Variants in DYNC2I1 observed in about 807,000 individuals in gnomAD.
DYNC2I1 encodes the protein dynein 2 intermediate chain 1, also known as cytoplasmic dynein 2 intermediate chain 1.
A neutral mutation model predicts 133.4 loss-of-function variants in DYNC2I1; 89 were observed. The observed-to-expected ratio is 0.67, with a 90% CI of 0.56 to 0.80. The LOEUF is 0.80. Among genes scored for constraint, DYNC2I1 ranks in the 30% least tolerant of loss-of-function variants. The pLI is 0.00. For synonymous variants in DYNC2I1, 504 were observed against 484.3 expected (o/e 1.04, Z -0.54); for missense variants, 1,291 against 1,314.5 (o/e 0.98, Z 0.28).
intron 21 of DYNC2I1, among the ~76,000 whole-genome samples, chr7:158,932,677 G>A (rs139974348): frequency 3.3e-5 from 5 of 152,262 alleles, no homozygotes; most frequent in East Asian, 1.9e-4. Flanking sequence ...TGGCAGTGGC[G>A]TAAGTTGGGA....
Position 158,920,297 on chromosome 7 carries a change from C to T in DYNC2I1, c.1921+1428C>T, listed in dbSNP as rs555028187. ...AGCGTGTGGCCTCCATCGGGGAACA[C>T]GTGAAGTGTGTGTGCATACTGCAGC... On this transcript the variant is annotated intron_variant, in intron 15 of 24. Coordinates refer to ENST00000407559, the MANE Select transcript of DYNC2I1 (RefSeq NM_018051.5). 2.7e-5 allele frequency among the ~76,000 whole-genome samples: 4 copies of T among 149,616 alleles called. No homozygotes were observed. The East Asian group carries it at 6.0e-4, about 23-fold the overall frequency.
chr7:158,936,250 G>A (rs1354122826), intron 23 of DYNC2I1, among the ~76,000 whole-genome samples: 1 of 151,760 alleles, frequency 6.6e-6, no homozygotes, highest in African/African-American at 2.4e-5. Flanking sequence ...CCAGTGTGGA[G>A]CTCTTGAGCT....
At position 158,945,961 on chromosome 7, in the gene DYNC2I1, G is replaced by A; in HGVS notation, c.*182G>A. 2 of 587,056 alleles carry A rather than the reference G, an allele frequency of 3.4e-6. No individual in the cohort carries two copies. The highest frequency in any genetic ancestry group is 5.2e-6 in the Non-Finnish European group (2 of 388,206). 36.4% of individuals were successfully genotyped at this position (587,056 alleles called of 1,614,324 possible). ...GTAAATAGATGACTACTTTTGAGTG[G>A]AAACAAAGAACATTCTAGCATTTAC... On this transcript the variant is annotated 3_prime_UTR_variant, in exon 25 of 25. Transcript: ENST00000407559. The surrounding 1 kb of genome is among the most constrained non-coding windows in gnomAD (Gnocchi z 4.1).
intron 10 of DYNC2I1, chr7:158,904,113 A>G (rs924354776): frequency 3.3e-5 from 5 of 152,304 alleles, no homozygotes; most frequent in African/African-American, 4.8e-5. Flanking sequence ...TCACGGAGCC[A>G]TGCTGACTCC....
chr7:158,856,644 C>A lies in DYNC2I1; in HGVS notation c.-92C>A. Reference sequence around the variant, plus strand: ...GTTGCTAGGCGCTGGGACGCGCCTCCCGAAGGGTGCGGGGCACAGGTGGCC... The same window carrying A: ...GTTGCTAGGCGCTGGGACGCGCCTCACGAAGGGTGCGGGGCACAGGTGGCC... On this transcript the variant is annotated 5_prime_UTR_variant, in exon 1 of 25. Transcript: ENST00000407559. 8.3e-7 allele frequency: 1 copy of A among 1,209,646 alleles called. No homozygotes were observed. Among genetic ancestry groups the A allele is most frequent in the African/African-American group, 1.6e-5 (1 of 64,010 alleles). 74.9% of individuals were successfully genotyped at this position (1,209,646 alleles called of 1,614,324 possible).
chr7:158,934,561 T>G lies in DYNC2I1; in HGVS notation c.2778+12T>G. On this transcript the variant is annotated intron_variant, in intron 23 of 24. Transcript: ENST00000407559. ...AACCAATATTTTTGGTAAGAAAGTT[T>G]GTTTTTCAGAGCTCCAATTCTTCTT... 1 of 1,549,964 alleles carries G rather than the reference T, an allele frequency of 6.5e-7. No homozygotes were observed. The highest frequency in any genetic ancestry group is 8.7e-7 in the Non-Finnish European group (1 of 1,146,490).
intron 10 of DYNC2I1, chr7:158,903,360 T>C (rs1202582364): frequency 6.6e-6 from 1 of 152,196 alleles, no homozygotes; most frequent in Non-Finnish European, 1.5e-5. Flanking sequence ...TGATAAAACA[T>C]GGGCACTGAG....
At chr7:158,870,032 T>G in intron 2 of DYNC2I1, 124 bp downstream of exon 2, 1 of 786,830 alleles carries the variant, frequency 1.3e-6, no homozygotes. Flanking sequence ...AGAAGTACTT[T>G]GAACTCAGAG....
chr7:158,897,089 T>G (rs181962405), intron 8 of DYNC2I1, among the ~76,000 whole-genome samples: 198 of 151,034 alleles, frequency 1.3e-3, no homozygotes, highest in African/African-American at 4.4e-3. Flanking sequence ...GTTCAAGCAG[T>G]TCTCCTGCCT....
chr7:158,892,614 TA>T (rs1845342521), intron 8 of DYNC2I1, among the ~76,000 whole-genome samples: 3 of 143,080 alleles, frequency 2.1e-5, no homozygotes, highest in Middle Eastern at 3.4e-3. Flanking sequence ...GCTAAGACTT[TA>T]TTTTTTTTTT....
At position 158,871,429 on chromosome 7, in the gene DYNC2I1, G is replaced by A. The variant is rs557538074; in HGVS notation, c.357G>A (p.Lys119=). Residue 119 remains lysine, a synonymous_variant, in exon 3 of 25, where the codon AAG becomes AAA. Transcript: ENST00000407559. ...CAGAAAAGTCTCACAGCAGAGGAAA[G>A]GACAGGGAAAAAGAAAAAGACAGAA... is the stretch of plus-strand genomic sequence containing the variant. ...REAEKSHSRG[K]DREKEKDRRA... is the part of the protein sequence containing the mutation. 1.2e-3 allele frequency: 1,880 copies of A among 1,551,382 alleles called. 1 individual carries two copies. The highest frequency in any genetic ancestry group is 1.6e-3 in the Non-Finnish European group (1,802 of 1,146,994).
intron 17 of DYNC2I1, among the ~76,000 whole-genome samples, chr7:158,923,936 G>T (rs752019731): frequency 7.2e-5 from 11 of 152,202 alleles, no homozygotes; most frequent in Non-Finnish European, 1.6e-4. Context: ...AGAATGACTT[G>T]AATTTCCTTT....
chr7:158,940,597 G>C (rs901771135), intron 23 of DYNC2I1, among the ~76,000 whole-genome samples: 1 of 152,140 alleles, frequency 6.6e-6, no homozygotes, highest in African/African-American at 2.4e-5. Flanking sequence ...CCCCAGACAA[G>C]TCGTACAAAT....
intron 7 of DYNC2I1, among the ~76,000 whole-genome samples, chr7:158,888,668 C>T (rs1481029075): frequency 6.6e-6 from 1 of 152,078 alleles, no homozygotes; most frequent in Non-Finnish European, 1.5e-5. Context: ...CAGGGTTTCA[C>T]CATGTTGGCC....
chr7:158,840,884 C>T, the DYNC2I1 span, among the ~76,000 whole-genome samples: 1 of 152,054 alleles, frequency 6.6e-6, no homozygotes, highest in East Asian at 1.9e-4. Flanking sequence ...CCACGGCCAG[C>T]CCACTGGCTG....
intron 23 of DYNC2I1, 28 bp from the exon 24 acceptor site, chr7:158,941,897 C>T (rs1851406910): frequency 1.3e-6 from 2 of 1,567,446 alleles, no homozygotes; most frequent in East Asian, 4.8e-5. Context: ...AGGCCATGCT[C>T]AGCAGTGTTC....
intron 10 of DYNC2I1, chr7:158,904,989 C>T: frequency 3.5e-6 from 1 of 285,458 alleles, no homozygotes; most frequent in Non-Finnish European, 6.9e-6. Context: ...CGATAAGATG[C>T]AGTAGAAATA....
Position 158,911,053 on chromosome 7 carries a change from G to A in DYNC2I1, c.1461-497G>A, listed in dbSNP as rs528689387. ...GCTGTGTCAGGCCTGTGGGCGGAGG[G>A]CGATTGGAGCGTGAAAGGCAGGTCA... On this transcript the variant is annotated intron_variant, in intron 11 of 24. Coordinates refer to ENST00000407559, the MANE Select transcript of DYNC2I1 (RefSeq NM_018051.5). Among the ~76,000 whole-genome samples the A allele has an allele frequency of 3.3e-4, 50 of 152,304 alleles. 2 individuals carry two copies. Among genetic ancestry groups the A allele is most frequent in the Admixed American group, 2.8e-3 (43 of 15,308 alleles).
Position 158,945,477 on chromosome 7 carries a change from T to C in DYNC2I1, c.3003-104T>C, listed in dbSNP as rs1851789377. On this transcript the variant is annotated intron_variant, in intron 24 of 24. Coordinates refer to ENST00000407559, the MANE Select transcript of DYNC2I1 (RefSeq NM_018051.5). This position sits in a 1 kb window ranked among gnomAD's most constrained non-coding sequence, Gnocchi z 4.1. ...CTATTGGTATTTTTAGAATTTCTCATCCGTTTCACTCTTCCCATGGAAGGT... is the reference window on the plus strand; with the variant it reads ...CTATTGGTATTTTTAGAATTTCTCACCCGTTTCACTCTTCCCATGGAAGGT... 2 of 1,246,332 alleles carry C rather than the reference T, an allele frequency of 1.6e-6. No homozygotes were observed. The highest frequency in any genetic ancestry group is 2.2e-6 in the Non-Finnish European group (2 of 913,460). The allele number at this position is 1,246,332 out of a possible 1,614,324, so 77.2% of individuals were successfully genotyped here. A position where few individuals can be genotyped will look rare whatever the true frequency, so the allele number is the denominator to read the frequency against.
Sources: allele counts gnomAD v4.1 joint callset (sites outside exome capture counted in the v4.1 genomes callset), GRCh38; gene constraint gnomAD v4.1.1; non-coding constraint Gnocchi (gnomAD v3.1); transcripts MANE v1.5; gene names NCBI Gene and HGNC (gene_info 2026-07-23, HGNC 2026-07-21).